Variants in QRFPR observed in about 807,000 individuals in gnomAD.
QRFPR encodes pyroglutamylated RF-amide peptide receptor.
QRFPR carries 37 observed loss-of-function variants against 31.3 expected under a neutral mutation model. The observed-to-expected ratio is 1.18, with a 90% CI of 0.91 to 1.56. QRFPR has a LOEUF of 1.56. QRFPR is among the 40% of genes most tolerant of loss of function. QRFPR has a pLI of 0.00. For synonymous variants in QRFPR, 197 were observed against 192.0 expected, an observed-to-expected ratio of 1.03 and a Z score of -0.22; for missense variants, 542 against 532.5, an observed-to-expected ratio of 1.02 and a Z score of -0.18.
At chr4:121,334,439 C>T (rs548771339) in intron 3 of QRFPR, 1 of 160,604 alleles carries the variant, frequency 6.2e-6, no homozygotes, top group Admixed American at 6.4e-5. Flanking sequence ...TCATAATCAC[C>T]CTTTTCCCAA....
Position 121,349,647 on chromosome 4 carries a change from A to T in QRFPR, c.341-9037T>A, listed in dbSNP as rs556937565. On this transcript the variant is annotated intron_variant, in intron 1 of 5. Transcript: ENST00000394427. ...TGAAAATGAGATATTCTATGTGGAAATGTGCCCTCGTCACCGATTTCCTAT... is the reference window on the plus strand; with the variant it reads ...TGAAAATGAGATATTCTATGTGGAATTGTGCCCTCGTCACCGATTTCCTAT... 6.6e-4 allele frequency among the ~76,000 whole-genome samples: 101 copies of T among 152,280 alleles called. No homozygotes were observed. The South Asian group carries it at 0.021, about 31-fold the overall frequency.
At chr4:121,372,110 T>C (rs141828431) in intron 1 of QRFPR, among the ~76,000 whole-genome samples, 1 of 152,136 alleles carries the variant, frequency 6.6e-6, no homozygotes, top group African/African-American at 2.4e-5. Flanking sequence ...AGGAGGGAAG[T>C]CTTACACTCA....
chr4:121,380,569 C>A lies in QRFPR; in HGVS notation c.79G>T (p.Ala27Ser). The A allele has an allele frequency of 6.2e-7, 1 of 1,607,022 alleles. No individual in the cohort carries two copies. The highest frequency in any genetic ancestry group is 8.5e-7 in the Non-Finnish European group (1 of 1,176,790). The change falls in exon 1 of 6, where the codon GCT (alanine) becomes TCT (serine). Residue 27 changes from alanine to serine, a missense_variant. By Grantham distance (99) the Ala-to-Ser change is moderately conservative. Coordinates refer to ENST00000394427, the MANE Select transcript of QRFPR (RefSeq NM_198179.3). The stretch of plus-strand genomic sequence containing the variant: ...ACGAGCGGTCGCAGCCGGTACAGAG[C>A]GATGAACTGCTCCCGCGTCAGGTTG... ...DHNLTREQFI[A>S]LYRLRPLVYT... is the part of the protein sequence containing the mutation.
chr4:121,363,069 C>T lies in QRFPR; in HGVS notation c.340+17239G>A, dbSNP rs535211640. Among the ~76,000 whole-genome samples, 14 of 150,244 alleles carry T rather than the reference C, an allele frequency of 9.3e-5. 2 individuals carry two copies. Among genetic ancestry groups the T allele is most frequent in the South Asian group, 6.3e-4 (3 of 4,738 alleles). On this transcript the variant is annotated intron_variant, in intron 1 of 5. Transcript: ENST00000394427. ...CAAAACTAGGCCGGGCAGAGTGGCT[C>T]ATGCCTGTAATCCCAGCCCTTTGGG...
intron 1 of QRFPR, among the ~76,000 whole-genome samples, chr4:121,365,517 TTATATATATTATATATAA>T (rs1726081661): frequency 7.7e-4 from 4 of 5,198 alleles, no homozygotes; most frequent in African/African-American, 4.1e-3. Context: ...ATAATATATA[TTATATATATTATATATAA>T]TATATATTAT....
At chr4:121,377,029 A>G (rs1438782639) in intron 1 of QRFPR, among the ~76,000 whole-genome samples, 1 of 147,118 alleles carries the variant, frequency 6.8e-6, no homozygotes, top group Non-Finnish European at 1.5e-5. Flanking sequence ...CATTGTCAGA[A>G]ATATTTGAGA....
At chr4:121,370,240 T>C (rs1054990117) in intron 1 of QRFPR, 2 of 779,818 alleles carry the variant, frequency 2.6e-6, no homozygotes, top group African/African-American at 3.4e-5. Flanking sequence ...TCCTTGAGGG[T>C]ATCATCATAG....
intron 1 of QRFPR, among the ~76,000 whole-genome samples, chr4:121,379,052 C>T (rs1726417626): frequency 6.6e-6 from 1 of 152,092 alleles, no homozygotes; most frequent in Admixed American, 6.6e-5. Flanking sequence ...TTTAAAATGC[C>T]CAAATACAAT....
At chr4:121,351,945 A>G (rs987879694) in intron 1 of QRFPR, among the ~76,000 whole-genome samples, 1 of 152,108 alleles carries the variant, frequency 6.6e-6, no homozygotes, top group Non-Finnish European at 1.5e-5. Flanking sequence ...AATGCAACCA[A>G]AAAATGAAAT....
intron 3 of QRFPR, chr4:121,334,625 A>G: frequency 2.5e-6 from 1 of 393,814 alleles, no homozygotes; most frequent in Non-Finnish European, 5.1e-6. Context: ...AAAGCCTGGC[A>G]GAGAAAAAAA....
At chr4:121,346,033 T>A (rs1291649404) in intron 1 of QRFPR, among the ~76,000 whole-genome samples, 1 of 149,826 alleles carries the variant, frequency 6.7e-6, no homozygotes, top group Non-Finnish European at 1.5e-5. Flanking sequence ...TATAATTGCA[T>A]GAAAGTATCT....
At chr4:121,365,505 AT>A (rs1260980761) in intron 1 of QRFPR, among the ~76,000 whole-genome samples, 1 of 1,118 alleles carries the variant, frequency 8.9e-4, no homozygotes, top group African/African-American at 4.1e-3. Flanking sequence ...TATATAATAT[AT>A]ATAATATATA....
intron 1 of QRFPR, among the ~76,000 whole-genome samples, chr4:121,362,493 G>C (rs1006515953): frequency 6.7e-6 from 1 of 149,778 alleles, no homozygotes; most frequent in Admixed American, 6.6e-5. Context: ...TTTATATGGA[G>C]AGGCAAAAGA....
In QRFPR at chr4:121,380,482, AG is replaced by A; in HGVS notation, c.165del (p.Phe56SerfsTer15). ...KLALVLTGVL[I>X]FALALFGNAL... ...GCATTGCCAAAGAGCGCCAGGGCGA[AG>A]ATGAGCACGCCGGTGAGCACGAGGG... is the stretch of plus-strand genomic sequence containing the variant. On this transcript the variant is annotated frameshift_variant, in exon 1 of 6. Transcript: ENST00000394427. LOFTEE classifies it high-confidence loss of function. 6.2e-7 allele frequency: 1 copy of A among 1,614,246 alleles called. No homozygotes were observed. Among genetic ancestry groups the A allele is most frequent in the Non-Finnish European group, 8.5e-7 (1 of 1,180,040 alleles).
At chr4:121,332,158 C>T (rs1725339359) in intron 4 of QRFPR, among the ~76,000 whole-genome samples, 1 of 152,094 alleles carries the variant, frequency 6.6e-6, no homozygotes, top group Non-Finnish European at 1.5e-5. Context: ...CAGACTCCTC[C>T]ATTTAAGGCT....
At chr4:121,336,659 C>A in intron 3 of QRFPR, 148 bp downstream of exon 3, 1 of 714,322 alleles carries the variant, frequency 1.4e-6, no homozygotes, top group South Asian at 1.6e-5. Context: ...CTTAAAAAAT[C>A]ATTTTATTCC....
In QRFPR at chr4:121,340,502, GGAT is replaced by G. The variant is rs755621305; in HGVS notation, c.446_448del (p.His149del). ...GGTGTATTGCCACTTCATTTTAAAA[GGAT>G]GCACAAGTCCCTGGTGCCTTTCCAC... is the stretch of plus-strand genomic sequence containing the variant. On this transcript the variant is annotated inframe_deletion, in exon 2 of 6. Transcript: ENST00000394427. 5 of 1,613,912 alleles carry G rather than the reference GGAT, an allele frequency of 3.1e-6. No homozygotes were observed. The African/African-American group carries it at 5.3e-5, about 17-fold the overall frequency.
intron 1 of QRFPR, among the ~76,000 whole-genome samples, chr4:121,349,323 A>C (rs1725720272): frequency 6.6e-6 from 1 of 152,042 alleles, no homozygotes; most frequent in African/African-American, 2.4e-5. Flanking sequence ...CCTTTAAAAA[A>C]TAACTCCTGT....
At chr4:121,332,153 TC>T (rs928233135) in intron 4 of QRFPR, among the ~76,000 whole-genome samples, 1 of 152,124 alleles carries the variant, frequency 6.6e-6, no homozygotes, top group Non-Finnish European at 1.5e-5. Context: ...ATCACCAGAC[TC>T]CTCCATTTAA....
Sources: gnomAD v4.1 joint callset for allele counts (sites outside exome capture counted in the v4.1 genomes callset) on GRCh38, gnomAD v4.1.1 for gene constraint, MANE v1.5 for transcripts, NCBI Gene and HGNC (gene_info 2026-07-23, HGNC 2026-07-21) for gene names.